PGBD5: variants seen among roughly 807,000 people sequenced by gnomAD.
PGBD5 encodes the protein piggyBac transposable element-derived protein 5.
Under a neutral mutation model 47.9 loss-of-function variants are expected in PGBD5, and 14 were observed. The ratio of observed to expected loss-of-function variants is 0.29; its 90% CI spans 0.19 to 0.46. The LOEUF (loss-of-function observed/expected upper bound fraction) is 0.46, where lower values mean the gene tolerates loss of function less well. Among genes scored for constraint, PGBD5 ranks in the 20% least tolerant of loss-of-function variants. The pLI is 1.00. For synonymous variants in PGBD5, 316 were observed against 306.3 expected (o/e 1.03, Z -0.33); for missense variants, 635 against 716.0 (o/e 0.89, Z 1.29).
chr1:230,352,138 C>G (rs1196094047), intron 2 of PGBD5, among the ~76,000 whole-genome samples: 2 of 152,178 alleles, frequency 1.3e-5, no homozygotes, highest in Admixed American at 1.3e-4. Context: ...TGGCCCACGT[C>G]TGTTTTTGTA....
chr1:230,390,734 A>C (rs997157475), intron 1 of PGBD5, among the ~76,000 whole-genome samples: 15 of 151,952 alleles, frequency 9.9e-5, no homozygotes, highest in Non-Finnish European at 1.6e-4. Context: ...GCAGAGGCTC[A>C]TTGCCAGTTT....
At chr1:230,406,357 A>G (rs187929133) in intron 1 of PGBD5, among the ~76,000 whole-genome samples, 4 of 151,474 alleles carry the variant, frequency 2.6e-5, no homozygotes, top group African/African-American at 9.7e-5. Context: ...AAGTAGAAAT[A>G]TTTAGTTATT....
At chr1:230,390,226 T>C (rs1186580738) in intron 1 of PGBD5, among the ~76,000 whole-genome samples, 1 of 152,122 alleles carries the variant, frequency 6.6e-6, no homozygotes, top group African/African-American at 2.4e-5. Flanking sequence ...CTGCTGCCAA[T>C]CCAGTTCCAT....
At chr1:230,332,754 G>A (rs1667240893) in intron 5 of PGBD5, 90 bp downstream of exon 5, 2 of 1,472,388 alleles carry the variant, frequency 1.4e-6, no homozygotes, top group Non-Finnish European at 1.9e-6. Context: ...ACAGCCCACA[G>A]TGGACGCCAC....
At chr1:230,412,484 G>A (rs1214205988) in intron 1 of PGBD5, among the ~76,000 whole-genome samples, 8 of 151,120 alleles carry the variant, frequency 5.3e-5, no homozygotes, top group Non-Finnish European at 8.8e-5. Context: ...CACCTTCTGG[G>A]TTCACACCAT....
At chr1:230,341,135 A>T (rs917154204) in intron 3 of PGBD5, among the ~76,000 whole-genome samples, 2 of 152,218 alleles carry the variant, frequency 1.3e-5, no homozygotes, top group Admixed American at 1.3e-4. Flanking sequence ...GCTATAAAAT[A>T]ATGAGTTTCT....
At chr1:230,339,198 C>T (rs1403828748) in intron 3 of PGBD5, among the ~76,000 whole-genome samples, 1 of 152,100 alleles carries the variant, frequency 6.6e-6, no homozygotes, top group East Asian at 1.9e-4. Context: ...TTAATGCTTC[C>T]CCACCTTTTT....
chr1:230,383,564 G>A (rs985167008), intron 1 of PGBD5, among the ~76,000 whole-genome samples: 2 of 152,044 alleles, frequency 1.3e-5, no homozygotes, highest in Non-Finnish European at 2.9e-5. Flanking sequence ...TAGAGATAGG[G>A]TCTCACTATG....
At chr1:230,420,222 C>T (rs1657617864) in intron 1 of PGBD5, among the ~76,000 whole-genome samples, 1 of 152,168 alleles carries the variant, frequency 6.6e-6, no homozygotes, top group Non-Finnish European at 1.5e-5. Flanking sequence ...GGGCAATAAA[C>T]TCAATCCTAA....
At chr1:230,415,844 C>G (rs545662262) in intron 1 of PGBD5, among the ~76,000 whole-genome samples, 3 of 152,272 alleles carry the variant, frequency 2.0e-5, no homozygotes, top group Admixed American at 6.5e-5. Context: ...CCACATATAC[C>G]ATGTTCCACA....
Position 230,404,608 on chromosome 1 carries a change from T to C in PGBD5, c.331+20990A>G, listed in dbSNP as rs1397872799. 1.1e-4 allele frequency among the ~76,000 whole-genome samples: 9 copies of C among 78,674 alleles called. No individual in the cohort carries two copies. The Admixed American group carries it at 1.4e-3, about 12-fold the overall frequency. 51.6% of individuals were successfully genotyped at this position (78,674 alleles called of 152,430 possible). A position where few individuals can be genotyped will look rare whatever the true frequency, so the allele number is the denominator to read the frequency against. ...CTGGGTGAGACAGAGCAAAGTCTTG[T>C]CTCAAAAAAAAAAAAAAAAAAATAT... On this transcript the variant is annotated intron_variant, in intron 1 of 6. Coordinates refer to ENST00000391860, the MANE Select transcript of PGBD5 (RefSeq NM_001258311.2).
chr1:230,317,372 A>T lies in PGBD5; in HGVS notation c.*6053T>A, dbSNP rs991956858. The T allele has an allele frequency of 1.3e-5, 2 of 152,118 alleles. No individual in the cohort carries two copies. Among genetic ancestry groups the T allele is most frequent in the Non-Finnish European group, 2.9e-5 (2 of 68,036 alleles). The allele number at this position is 152,118 out of a possible 1,614,324, so 9.4% of individuals were successfully genotyped here. On this transcript the variant is annotated 3_prime_UTR_variant, in exon 7 of 7. Transcript: ENST00000391860. ...TCTCAGAGTGTCACTTTCCCATCACAAAAGGGGGACCGATGGTTGTCAGCT... is the reference window on the plus strand; with the variant it reads ...TCTCAGAGTGTCACTTTCCCATCACTAAAGGGGGACCGATGGTTGTCAGCT...
chr1:230,362,332 G>C (rs1404054913), intron 1 of PGBD5: 2 of 1,367,660 alleles, frequency 1.5e-6, no homozygotes, highest in South Asian at 2.3e-5. Flanking sequence ...TGGATTATAG[G>C]GCGGCCGAGG....
intron 1 of PGBD5, among the ~76,000 whole-genome samples, chr1:230,411,699 GAACT>G (rs1458016072): frequency 6.6e-6 from 1 of 152,132 alleles, no homozygotes; most frequent in Non-Finnish European, 1.5e-5. Context: ...CAGAAACTCT[GAACT>G]AATATTAGCA....
In PGBD5 at chr1:230,376,304, A is replaced by AGTCCTGTC. The variant is rs1668013747; in HGVS notation, c.332-18991_332-18984dup. Among the ~76,000 whole-genome samples the AGTCCTGTC allele has an allele frequency of 2.0e-5, 3 of 152,140 alleles. No homozygotes were observed. In the South Asian group the frequency reaches 6.2e-4, roughly 32 times the overall value. The stretch of plus-strand genomic sequence containing the variant: ...GAGCTTGTTTCACCTGTCTCAGAGG[A>AGTCCTGTC]GTCCTGTCGTCCTGGACTGAGCCCG... On this transcript the variant is annotated intron_variant, in intron 1 of 6. Transcript: ENST00000391860.
intron 1 of PGBD5, among the ~76,000 whole-genome samples, chr1:230,423,813 G>A (rs902504683): frequency 4.6e-5 from 7 of 152,096 alleles, no homozygotes; most frequent in African/African-American, 9.7e-5. Flanking sequence ...CTGATTCTTC[G>A]GTCCAGGTGT....
chr1:230,339,834 G>A (rs945498388), intron 3 of PGBD5, among the ~76,000 whole-genome samples: 1 of 152,190 alleles, frequency 6.6e-6, no homozygotes, highest in Non-Finnish European at 1.5e-5. Context: ...TGGTTACGGG[G>A]CTGGGGGATG....
intron 1 of PGBD5, among the ~76,000 whole-genome samples, chr1:230,389,207 CTT>C (rs907187152): frequency 6.7e-5 from 10 of 148,886 alleles, no homozygotes; most frequent in East Asian, 2.0e-4. Flanking sequence ...GAGTTTCACT[CTT>C]GTCACCCAGG....
Position 230,394,877 on chromosome 1 carries a change from TCTC to T in PGBD5, c.331+30718_331+30720del, listed in dbSNP as rs1457232342. 7.9e-5 allele frequency among the ~76,000 whole-genome samples: 6 copies of T among 76,156 alleles called. No individual in the cohort carries two copies. The East Asian group carries it at 1.4e-3, about 18-fold the overall frequency. 50.0% of individuals were successfully genotyped at this position (76,156 alleles called of 152,430 possible). The stretch of plus-strand genomic sequence containing the variant: ...TCCCTCCTCTCATGCTCCTCCCCCC[TCTC>T]CTCATGCTCCTCCCCATCCTCGAGC... On this transcript the variant is annotated intron_variant, in intron 1 of 6. Transcript: ENST00000391860.
Sources: allele counts gnomAD v4.1 joint callset (sites outside exome capture counted in the v4.1 genomes callset), GRCh38; gene constraint gnomAD v4.1.1; transcripts MANE v1.5; gene names NCBI Gene and HGNC (gene_info 2026-07-23, HGNC 2026-07-21).